Variants in LAMA3 observed in about 807,000 individuals in gnomAD.
The protein encoded by LAMA3 is laminin subunit alpha-3.
In LAMA3, 281 loss-of-function variants were observed where a neutral mutation model predicts 402.0. The observed-to-expected ratio is 0.70, with a 90% CI of 0.63 to 0.77. The LOEUF (loss-of-function observed/expected upper bound fraction) is 0.77. LAMA3 is among the 30% of genes least tolerant of loss of function. The probability of loss-of-function intolerance (pLI) is 0.00; values close to 1 mark genes in which losing one functional copy is unlikely to be tolerated. For synonymous variants in LAMA3, 1,431 were observed against 1,558.4 expected (o/e 0.92, Z 1.93); for missense variants, 3,840 against 4,215.5 (o/e 0.91, Z 2.47).
intron 12 of LAMA3, among the ~76,000 whole-genome samples, chr18:23,785,319 G>C (rs2062521886): frequency 6.6e-6 from 1 of 152,170 alleles, no homozygotes; most frequent in African/African-American, 2.4e-5. Flanking sequence ...TATTAGAATA[G>C]GTATTAGGTC....
At chr18:23,906,093 A>G (rs2145168424) in intron 52 of LAMA3, among the ~76,000 whole-genome samples, 1 of 152,306 alleles carries the variant, frequency 6.6e-6, no homozygotes, top group South Asian at 2.1e-4. Flanking sequence ...TTCATGATTT[A>G]TTTATCAATT....
intron 19 of LAMA3, among the ~76,000 whole-genome samples, chr18:23,821,752 T>C (rs1291826909): frequency 6.6e-6 from 1 of 152,234 alleles, no homozygotes; most frequent in East Asian, 1.9e-4. Context: ...TTACCACTAT[T>C]GTATTTGGAG....
At chr18:23,852,750 T>C (rs1335227941) in intron 32 of LAMA3, among the ~76,000 whole-genome samples, 2 of 152,240 alleles carry the variant, frequency 1.3e-5, no homozygotes, top group Admixed American at 1.3e-4. Context: ...AAAGACCAAC[T>C]TTCCGTGATT....
At chr18:23,838,954 C>A in intron 26 of LAMA3, 76 bp downstream of exon 26, 1 of 896,812 alleles carries the variant, frequency 1.1e-6, no homozygotes, top group Non-Finnish European at 1.9e-6. Context: ...AAACTTTATA[C>A]TCAACGTCAG....
chr18:23,740,840 G>C (rs2337190), intron 2 of LAMA3, among the ~76,000 whole-genome samples: 1,928 of 152,232 alleles, frequency 0.013, 44 homozygotes, highest in African/African-American at 0.045. Flanking sequence ...ACCTCTTGAG[G>C]CCCTTCCTCT....
chr18:23,860,631 A>AT (rs2144733556), intron 34 of LAMA3, among the ~76,000 whole-genome samples: 1 of 151,944 alleles, frequency 6.6e-6, no homozygotes, highest in African/African-American at 2.4e-5. Context: ...ATGAACCAGT[A>AT]ACCTCATGCT....
chr18:23,823,269 G>T (rs2063322578), intron 20 of LAMA3, among the ~76,000 whole-genome samples: 1 of 152,198 alleles, frequency 6.6e-6, no homozygotes, highest in African/African-American at 2.4e-5. Flanking sequence ...GAGTTGAAGA[G>T]AAAACAGAGC....
intron 1 of LAMA3, among the ~76,000 whole-genome samples, chr18:23,703,742 C>G (rs2060833667): frequency 6.6e-6 from 1 of 152,122 alleles, no homozygotes; most frequent in Admixed American, 6.5e-5. Flanking sequence ...CTCTAGGAAC[C>G]AGGCACATTA....
intron 54 of LAMA3, 25 bp downstream of exon 54, chr18:23,907,960 C>T: frequency 6.2e-7 from 1 of 1,607,406 alleles, no homozygotes; most frequent in Non-Finnish European, 8.5e-7. Context: ...CTGGCCAGGA[C>T]ATCTTAGCCA....
Position 23,859,041 on chromosome 18 carries a change from C to A in LAMA3, c.4422+212C>A, listed in dbSNP as rs572554852. On this transcript the variant is annotated intron_variant, in intron 34 of 74. Transcript: ENST00000313654. ...CTTGGACACTCTTGCTGACCTTACC[C>A]TTGTCTTCCCCATAGGAGTCATCAC... Among the ~76,000 whole-genome samples the A allele has an allele frequency of 2.6e-5, 4 of 152,302 alleles. 1 individual carries two copies. The South Asian group carries it at 8.3e-4, about 32-fold the overall frequency.
intron 18 of LAMA3, among the ~76,000 whole-genome samples, chr18:23,816,861 AG>A (rs2063185873): frequency 1.3e-5 from 2 of 152,078 alleles, no homozygotes; most frequent in African/African-American, 4.8e-5. Flanking sequence ...AGGGAATAAG[AG>A]GGGGTGGTGC....
rs369748704 is a variant in LAMA3 at position 23,846,421 on chromosome 18, G to T, written c.3844G>T (p.Gly1282Cys). The change falls in exon 31 of 75, where the codon GGT (glycine) becomes TGT (cysteine). Residue 1282 changes from glycine to cysteine, a missense_variant. Physicochemically the swap from Gly to Cys is radical, Grantham distance 159. Transcript: ENST00000313654. ...CACCGGCCCTCACTGCAGCCCTGAG[G>T]GTGGGCAGTGCCCATGCCAGCCCAA... ...GATGPHCSPE[G>C]GQCPCQPNVI... The T allele has an allele frequency of 9.4e-5, 151 of 1,613,868 alleles. No individual in the cohort carries two copies. Among genetic ancestry groups the T allele is most frequent in the Non-Finnish European group, 1.3e-4 (148 of 1,180,056 alleles).
intron 48 of LAMA3, among the ~76,000 whole-genome samples, chr18:23,902,413 A>C (rs2081103284): frequency 6.6e-6 from 1 of 152,190 alleles, no homozygotes; most frequent in African/African-American, 2.4e-5. Context: ...ATTGAATAAC[A>C]CAGGGCAGAC....
intron 12 of LAMA3, among the ~76,000 whole-genome samples, chr18:23,803,559 C>A (rs1324922496): frequency 6.6e-6 from 1 of 152,208 alleles, no homozygotes; most frequent in Non-Finnish European, 1.5e-5. Flanking sequence ...ATCTTCCTGT[C>A]ACCAATTTTC....
chr18:23,731,248 A>G (rs920551691), intron 2 of LAMA3, among the ~76,000 whole-genome samples: 13 of 152,180 alleles, frequency 8.5e-5, no homozygotes, highest in Non-Finnish European at 4.4e-5. Context: ...GGATAATAAT[A>G]TGTGTGTTGC....
chr18:23,810,565 C>A, intron 13 of LAMA3, 62 bp downstream of exon 13: 1 of 1,585,780 alleles, frequency 6.3e-7, no homozygotes, highest in Non-Finnish European at 8.7e-7. Context: ...CAGCCAGCCT[C>A]CCAGAGAAGC....
chr18:23,871,739 A>AT lies in LAMA3; in HGVS notation c.4998+79dup, dbSNP rs1158633456. ...TTTGGCTGCTGTCCAGCACTGTGGG[A>AT]TGGTTTGGGGCCCTCTGTCTATTGT... On this transcript the variant is annotated intron_variant, in intron 38 of 74. Coordinates refer to ENST00000313654, the MANE Select transcript of LAMA3 (RefSeq NM_198129.4). 1.2e-5 allele frequency: 14 copies of AT among 1,148,972 alleles called. No homozygotes were observed. In the African/African-American group the frequency reaches 2.1e-4, roughly 18 times the overall value. The allele number at this position is 1,148,972 out of a possible 1,614,324, so 71.2% of individuals were successfully genotyped here.
At chr18:23,713,583 GA>G (rs2061037248) in intron 1 of LAMA3, among the ~76,000 whole-genome samples, 1 of 152,162 alleles carries the variant, frequency 6.6e-6, no homozygotes, top group African/African-American at 2.4e-5. Context: ...TTGTTGAAGT[GA>G]AAACCTCTTT....
intron 2 of LAMA3, among the ~76,000 whole-genome samples, chr18:23,732,943 T>G (rs2061417096): frequency 6.6e-6 from 1 of 152,178 alleles, no homozygotes; most frequent in Non-Finnish European, 1.5e-5. Context: ...ATAATTCTGC[T>G]TGACTAATCC....
Sources: allele counts gnomAD v4.1 joint callset (sites outside exome capture counted in the v4.1 genomes callset), GRCh38; gene constraint gnomAD v4.1.1; transcripts MANE v1.5; gene names NCBI Gene and HGNC (gene_info 2026-07-23, HGNC 2026-07-21).